Variants in ARHGEF10 observed in about 807,000 individuals in gnomAD.
ARHGEF10 encodes the protein Rho guanine nucleotide exchange factor 10.
A neutral mutation model predicts 147.4 loss-of-function variants in ARHGEF10; 140 were observed. The ratio of observed to expected loss-of-function variants is 0.95; its 90% CI spans 0.83 to 1.09. The LOEUF is 1.09. Ranked by LOEUF, ARHGEF10 falls within the 50% of genes least tolerant of loss-of-function variation. The pLI is 0.00. For synonymous variants in ARHGEF10, 902 were observed against 695.8 expected (o/e 1.30, Z -4.67); for missense variants, 2,222 against 1,752.7 (o/e 1.27, Z -4.78).
At chr8:1,878,224 C>T (rs925622088) in intron 8 of ARHGEF10, among the ~76,000 whole-genome samples, 1 of 151,890 alleles carries the variant, frequency 6.6e-6, no homozygotes, top group Non-Finnish European at 1.5e-5. Flanking sequence ...GGAGTCTTGC[C>T]TGTCGCTCAG....
chr8:1,843,889 C>T (rs1377189217), intron 2 of ARHGEF10, among the ~76,000 whole-genome samples: 1 of 152,198 alleles, frequency 6.6e-6, no homozygotes, highest in Admixed American at 6.5e-5. Context: ...CCCTCTCTAT[C>T]CATATGCTCC....
intron 2 of ARHGEF10, among the ~76,000 whole-genome samples, chr8:1,856,345 G>T (rs1195306618): frequency 6.6e-6 from 1 of 152,178 alleles, no homozygotes; most frequent in Non-Finnish European, 1.5e-5. Flanking sequence ...ATGGTCAGCT[G>T]GGGGTCTCAT....
At chr8:1,829,247 G>A (rs978757088) in intron 1 of ARHGEF10, among the ~76,000 whole-genome samples, 11 of 152,242 alleles carry the variant, frequency 7.2e-5, no homozygotes, top group African/African-American at 2.2e-4. Context: ...CAGAAGCTCC[G>A]TATGTTTTGT....
At chr8:1,828,158 G>T (rs1158727146) in intron 1 of ARHGEF10, among the ~76,000 whole-genome samples, 4 of 152,210 alleles carry the variant, frequency 2.6e-5, no homozygotes, top group Admixed American at 2.0e-4. Flanking sequence ...AGGTGAGTCG[G>T]GGTGAGTCAG....
intron 26 of ARHGEF10, among the ~76,000 whole-genome samples, chr8:1,939,103 A>C (rs1293592542): frequency 1.3e-5 from 2 of 152,218 alleles, no homozygotes; most frequent in Non-Finnish European, 2.9e-5. Flanking sequence ...AACACTGTGG[A>C]ATCCCAGTCC....
At chr8:1,881,356 C>T (rs763934465) in intron 9 of ARHGEF10, among the ~76,000 whole-genome samples, 6 of 151,694 alleles carry the variant, frequency 4.0e-5, no homozygotes, top group Admixed American at 6.6e-5. Context: ...GGACCCTGAA[C>T]GGCGCTGGCT....
chr8:1,831,098 G>A (rs375252782), intron 1 of ARHGEF10, among the ~76,000 whole-genome samples: 2 of 152,382 alleles, frequency 1.3e-5, no homozygotes, highest in East Asian at 3.9e-4. Flanking sequence ...TGTCAGAGCG[G>A]CTGGAAGGGC....
chr8:1,922,549 T>C (rs1302429388), intron 18 of ARHGEF10, among the ~76,000 whole-genome samples: 8 of 152,124 alleles, frequency 5.3e-5, no homozygotes, highest in Non-Finnish European at 8.8e-5. Context: ...TTCAGGGACG[T>C]GACCACCGAA....
chr8:1,848,718 C>T (rs533321282), intron 2 of ARHGEF10, among the ~76,000 whole-genome samples: 50 of 152,236 alleles, frequency 3.3e-4, no homozygotes, highest in Middle Eastern at 3.4e-3. Context: ...AATACTTCAC[C>T]TCTGGGAGAT....
intron 23 of ARHGEF10, among the ~76,000 whole-genome samples, chr8:1,928,008 CATTCT>C (rs1812816754): frequency 6.6e-6 from 1 of 152,152 alleles, no homozygotes; most frequent in African/African-American, 2.4e-5. Context: ...ACTTGGGATG[CATTCT>C]TACTGATGTT....
chr8:1,925,133 T>G, intron 21 of ARHGEF10, 150 bp from the exon 22 acceptor site: 2 of 959,152 alleles, frequency 2.1e-6, no homozygotes, highest in African/African-American at 1.6e-5. Context: ...AAGAAGAGAT[T>G]GTACTGCTTT....
At chr8:1,854,703 A>G (rs1047963019) in intron 2 of ARHGEF10, among the ~76,000 whole-genome samples, 2 of 152,156 alleles carry the variant, frequency 1.3e-5, no homozygotes, top group African/African-American at 2.4e-5. Context: ...TTCTACTTAA[A>G]TTTTACTAGG....
At chr8:1,870,194 C>G (rs1414881150) in intron 7 of ARHGEF10, 3 of 144,092 alleles carry the variant, frequency 2.1e-5, no homozygotes, top group Admixed American at 7.0e-5. Context: ...TTCTGAAGTT[C>G]TGAAGTCGGC....
intron 16 of ARHGEF10, among the ~76,000 whole-genome samples, chr8:1,905,232 A>G (rs1810788961): frequency 6.7e-6 from 1 of 148,544 alleles, no homozygotes; most frequent in African/African-American, 2.6e-5. Context: ...GCTTTGGCTC[A>G]GTGAAGTAAA....
Position 1,923,088 on chromosome 8 carries a change from T to C in ARHGEF10, c.2259+9T>C, listed in dbSNP as rs369600980. 46 of 1,561,910 alleles carry C rather than the reference T, an allele frequency of 2.9e-5. No homozygotes were observed. In the African/African-American group the frequency reaches 3.0e-4, roughly 10 times the overall value. On this transcript the variant is annotated intron_variant, in intron 19 of 28. Coordinates refer to ENST00000349830, the MANE Select transcript of ARHGEF10 (RefSeq NM_014629.4). ...TTAAAGGAAACTATCAGGTAACAAT[T>C]GAAGCAATTGGATTTAAGATTCTGC...
At chr8:1,841,844 TGGGGCCGCGGCGGGAACTGGGG>T (rs1804068416) in intron 1 of ARHGEF10, among the ~76,000 whole-genome samples, 3 of 111,564 alleles carry the variant, frequency 2.7e-5, no homozygotes, top group South Asian at 3.3e-4. Flanking sequence ...CGACGGGAAC[TGGGGCCGCGGCGGGAACTGGGG>T]CCGCGGCGGG....
intron 18 of ARHGEF10, among the ~76,000 whole-genome samples, chr8:1,912,439 G>A (rs1811433102): frequency 7.7e-6 from 1 of 130,104 alleles, no homozygotes; most frequent in Non-Finnish European, 1.7e-5. Context: ...CCCTGCAAAA[G>A]TGCTGTGTGG....
At chr8:1,941,416 A>T (rs1814080009) in intron 26 of ARHGEF10, among the ~76,000 whole-genome samples, 1 of 152,242 alleles carries the variant, frequency 6.6e-6, no homozygotes, top group South Asian at 2.1e-4. Context: ...TGCAAGATTT[A>T]TACTCTAAAA....
chr8:1,881,472 G>C (rs908538629), intron 9 of ARHGEF10, among the ~76,000 whole-genome samples: 1 of 152,244 alleles, frequency 6.6e-6, no homozygotes, highest in Admixed American at 6.5e-5. Flanking sequence ...CTGCGGCATC[G>C]GGCGGGAGGC....
Sources: allele counts gnomAD v4.1 joint callset (sites outside exome capture counted in the v4.1 genomes callset), GRCh38; gene constraint gnomAD v4.1.1; transcripts MANE v1.5; gene names NCBI Gene and HGNC (gene_info 2026-07-23, HGNC 2026-07-21).